KIF11: variants seen among roughly 807,000 people sequenced by gnomAD.
KIF11 encodes the protein kinesin-like protein KIF11.
In KIF11, 9 loss-of-function variants were observed where a neutral mutation model predicts 121.0. That is an observed-to-expected ratio of 0.07 (90% CI 0.04 to 0.13). The LOEUF is 0.13. Among genes scored for constraint, KIF11 ranks in the 10% least tolerant of loss-of-function variants. The pLI is 1.00. For synonymous variants in KIF11, 408 were observed against 421.0 expected (o/e 0.97, Z 0.38); for missense variants, 846 against 1,217.5 (o/e 0.69, Z 4.54).
chr10:92,627,009 G>A (rs1302082902), intron 10 of KIF11, among the ~76,000 whole-genome samples: 1 of 152,086 alleles, frequency 6.6e-6, no homozygotes, highest in African/African-American at 2.4e-5. Flanking sequence ...TGATCTTCCC[G>A]CCTCGGCCTC....
In KIF11 at chr10:92,628,797, C is replaced by T; in HGVS notation, c.1218-11C>T. ...TATTAACTGTTAAACTCATATTAAA[C>T]TTTATTTTAGAGTCATGAGTGGAAA... is the stretch of plus-strand genomic sequence containing the variant. On this transcript the variant is annotated splice_polypyrimidine_tract_variant and intron_variant, in intron 10 of 21. Transcript: ENST00000260731. 1 of 1,469,044 alleles carries T rather than the reference C, an allele frequency of 6.8e-7. No individual in the cohort carries two copies. The highest frequency in any genetic ancestry group is 1.2e-5 in the South Asian group (1 of 83,682). The allele number at this position is 1,469,044 out of a possible 1,614,324, so 91.0% of individuals were successfully genotyped here. A position where few individuals can be genotyped will look rare whatever the true frequency, so the allele number is the denominator to read the frequency against.
At chr10:92,606,121 T>C in intron 1 of KIF11, 144 bp from the exon 2 acceptor site, 1 of 574,728 alleles carries the variant, frequency 1.7e-6, no homozygotes. Context: ...GCTTTAGCAA[T>C]ATCACTTAGT....
rs1554859634 is a variant in KIF11 at position 92,609,301 on chromosome 10, A to AGAGAGT, written c.574-81_574-80insAGTGAG. 1.3e-3 allele frequency: 770 copies of AGAGAGT among 600,688 alleles called. 2 individuals are homozygous for AGAGAGT. The highest frequency in any genetic ancestry group is 1.9e-3 in the Middle Eastern group (3 of 1,578). 37.2% of individuals were successfully genotyped at this position (600,688 alleles called of 1,614,324 possible). The stretch of plus-strand genomic sequence containing the variant: ...GAGAGAGAGAGAGAGAGAGAGAGAG[A>AGAGAGT]GAGTGTGTGTGTGTGTGTGTGTGTG... On this transcript the variant is annotated intron_variant, in intron 5 of 21. Transcript: ENST00000260731.
Position 92,637,050 on chromosome 10 carries a change from AAAAGAAT to A in KIF11, c.1876-133_1876-127del. 4.0e-6 allele frequency: 3 copies of A among 745,926 alleles called. No homozygotes were observed. In the East Asian group the frequency reaches 9.8e-5, roughly 24 times the overall value. The allele number at this position is 745,926 out of a possible 1,614,324, so 46.2% of individuals were successfully genotyped here. The stretch of plus-strand genomic sequence containing the variant: ...TCCGTCTCAAAAAAAAAAAAAAAAA[AAAAGAAT>A]GGAGAATGGAAATGTAAATTTTAAT... On this transcript the variant is annotated intron_variant, in intron 14 of 21. Coordinates refer to ENST00000260731, the MANE Select transcript of KIF11 (RefSeq NM_004523.4).
intron 5 of KIF11, 82 bp from the exon 6 acceptor site, chr10:92,609,303 A>AGAGAGTGAGT (rs1372794402): frequency 4.2e-5 from 16 of 382,548 alleles, no homozygotes; most frequent in Middle Eastern, 1.9e-3. Context: ...AGAGAGAGAG[A>AGAGAGTGAGT]GTGTGTGTGT....
chr10:92,598,629 C>T (rs1844329346), intron 1 of KIF11, among the ~76,000 whole-genome samples: 1 of 152,070 alleles, frequency 6.6e-6, no homozygotes, highest in Admixed American at 6.6e-5. Flanking sequence ...TTGTAAAACA[C>T]GTCATTGGGA....
At chr10:92,605,793 G>T (rs1844424770) in intron 1 of KIF11, among the ~76,000 whole-genome samples, 1 of 151,436 alleles carries the variant, frequency 6.6e-6, no homozygotes, top group African/African-American at 2.4e-5. Flanking sequence ...GCCTTGATCA[G>T]ATTTTAAGAA....
At chr10:92,622,813 A>G (rs1349446338) in intron 10 of KIF11, among the ~76,000 whole-genome samples, 1 of 151,788 alleles carries the variant, frequency 6.6e-6, no homozygotes. Flanking sequence ...TACAGGAGGC[A>G]TGGCTGGGGA....
chr10:92,627,915 ATTTT>A (rs1844697225), intron 10 of KIF11, among the ~76,000 whole-genome samples: 1 of 152,134 alleles, frequency 6.6e-6, no homozygotes, highest in Non-Finnish European at 1.5e-5. Context: ...GGATTCCATC[ATTTT>A]GTATGTAGAT....
chr10:92,603,123 C>T (rs895064747), intron 1 of KIF11, among the ~76,000 whole-genome samples: 5 of 152,134 alleles, frequency 3.3e-5, no homozygotes, highest in East Asian at 3.9e-4. Flanking sequence ...AAAATATCTA[C>T]AGGGCCTGGC....
intron 20 of KIF11, 82 bp downstream of exon 20, chr10:92,650,068 G>T (rs1052690571): frequency 1.9e-6 from 2 of 1,061,208 alleles, no homozygotes; most frequent in South Asian, 3.1e-5. Flanking sequence ...GAATTTTACT[G>T]TTTACCCCTC....
rs1222531165 is a variant in KIF11, at chr10:92,606,496, G to T, written c.210+99G>T. ...TGGTGTATACTTAGAAATTTCAGTT[G>T]TCTCTGAATTGTCAGATGGCTTCTA... On this transcript the variant is annotated intron_variant, in intron 2 of 21. Coordinates refer to ENST00000260731, the MANE Select transcript of KIF11 (RefSeq NM_004523.4). The T allele has an allele frequency of 7.4e-6, 9 of 1,221,490 alleles. No homozygotes were observed. In the Admixed American group the frequency reaches 2.1e-4, roughly 28 times the overall value. 75.7% of individuals were successfully genotyped at this position (1,221,490 alleles called of 1,614,324 possible).
chr10:92,643,103 G>T (rs1844882441), intron 17 of KIF11, among the ~76,000 whole-genome samples: 1 of 152,012 alleles, frequency 6.6e-6, no homozygotes, highest in Admixed American at 6.6e-5. Flanking sequence ...CTAGAGATGG[G>T]GTTTCACCAT....
At chr10:92,651,507 G>GTATTTTTTCTT (rs1554863366) in intron 21 of KIF11, among the ~76,000 whole-genome samples, 21 of 52,974 alleles carry the variant, frequency 4.0e-4, no homozygotes, top group East Asian at 1.8e-3. Context: ...GGCTAATTTT[G>GTATTTTTTCTT]TTTTTTTTTT....
chr10:92,598,403 A>G lies in KIF11; in HGVS notation c.77+4951A>G, dbSNP rs547681011. Reference sequence around the variant, plus strand: ...CAACCTTATTAAAAATCATTTGCTCATATGTAAGAGGGCTTATTTCTAAGT... The same window carrying G: ...CAACCTTATTAAAAATCATTTGCTCGTATGTAAGAGGGCTTATTTCTAAGT... On this transcript the variant is annotated intron_variant, in intron 1 of 21. Transcript: ENST00000260731. Among the ~76,000 whole-genome samples, 9 of 152,320 alleles carry G rather than the reference A, an allele frequency of 5.9e-5. No individual in the cohort carries two copies. The East Asian group carries it at 1.7e-3, about 29-fold the overall frequency.
chr10:92,648,105 C>G (rs1214728150), intron 18 of KIF11, 107 bp from the exon 19 acceptor site: 4 of 673,020 alleles, frequency 5.9e-6, no homozygotes, highest in Non-Finnish European at 9.0e-6. Context: ...TGAGACTTGT[C>G]TCCAAAAAAA....
chr10:92,616,623 A>G, intron 8 of KIF11, 114 bp from the exon 9 acceptor site: 1 of 542,042 alleles, frequency 1.8e-6, no homozygotes, highest in Non-Finnish European at 3.2e-6. Context: ...AGATTTTAAA[A>G]TTAGATATAA....
At chr10:92,625,436 C>A (rs1189289518) in intron 10 of KIF11, among the ~76,000 whole-genome samples, 1 of 151,774 alleles carries the variant, frequency 6.6e-6, no homozygotes, top group Non-Finnish European at 1.5e-5. Flanking sequence ...TCAACCTCCA[C>A]CTCCTGGGTT....
chr10:92,640,891 C>T (rs1004722253), intron 17 of KIF11, among the ~76,000 whole-genome samples: 1 of 152,096 alleles, frequency 6.6e-6, no homozygotes, highest in Non-Finnish European at 1.5e-5. Context: ...GGATTACAGG[C>T]ACATACCACC....
Sources: allele counts gnomAD v4.1 joint callset (sites outside exome capture counted in the v4.1 genomes callset), GRCh38; gene constraint gnomAD v4.1.1; transcripts MANE v1.5; gene names NCBI Gene and HGNC (gene_info 2026-07-23, HGNC 2026-07-21).